Variants in MTF1 observed in about 807,000 individuals in gnomAD.
The protein encoded by MTF1 is MRE-binding transcription factor.
MTF1 carries 22 observed loss-of-function variants against 70.4 expected under a neutral mutation model. The observed-to-expected ratio is 0.31, with a 90% confidence interval of 0.22 to 0.45. MTF1 has a LOEUF of 0.45. Among genes scored for constraint, MTF1 ranks in the 20% least tolerant of loss-of-function variants. The pLI is 1.00. For missense variants in MTF1, 649 were observed against 922.0 expected, an observed-to-expected ratio of 0.70 and a Z score of 3.83; for synonymous variants, 333 against 352.8, an observed-to-expected ratio of 0.94 and a Z score of 0.63.
At chr1:37,844,289 G>A (rs1001402368) in intron 2 of MTF1, among the ~76,000 whole-genome samples, 1 of 152,090 alleles carries the variant, frequency 6.6e-6, no homozygotes, top group Admixed American at 6.5e-5. Context: ...CCCTGACTTC[G>A]TTCTCTCCTT....
rs192427133 is a variant in MTF1 at position 37,811,006 on chromosome 1, C to G, written c.*4130G>C. ...ACTCTTGAGAAATATTGTTGCAGTT[C>G]CACAAATCAATGGTTTCAATCACTC... On this transcript the variant is annotated 3_prime_UTR_variant, in exon 11 of 11. Coordinates refer to ENST00000373036, the MANE Select transcript of MTF1 (RefSeq NM_005955.3). The G allele has an allele frequency of 1.8e-4, 27 of 152,656 alleles. No individual in the cohort carries two copies. The East Asian group carries it at 3.5e-3, about 20-fold the overall frequency. The allele number at this position is 152,656 out of a possible 1,614,324, so 9.5% of individuals were successfully genotyped here. A position where few individuals can be genotyped will look rare whatever the true frequency, so the allele number is the denominator to read the frequency against.
At chr1:37,856,499 CTTTTT>C in intron 2 of MTF1, among the ~76,000 whole-genome samples, 1 of 122,676 alleles carries the variant, frequency 8.2e-6, no homozygotes, top group East Asian at 2.4e-4. Flanking sequence ...GAATTTCTTT[CTTTTT>C]TTTTTTTTTT....
Position 37,823,698 on chromosome 1 carries a change from C to T in MTF1, c.1171+12G>A, listed in dbSNP as rs771472690. 1.9e-5 allele frequency: 30 copies of T among 1,593,594 alleles called. No individual in the cohort carries two copies. Among genetic ancestry groups the T allele is most frequent in the South Asian group, 6.6e-5 (6 of 90,586 alleles). On this transcript the variant is annotated intron_variant, in intron 8 of 10. Transcript: ENST00000373036. ...TGCTTAGATGTGAGTAGAAAGAGTCCGTGTGACAAACCTGTCTGTTGAGGA... is the reference window on the plus strand; with the variant it reads ...TGCTTAGATGTGAGTAGAAAGAGTCTGTGTGACAAACCTGTCTGTTGAGGA...
In MTF1 at chr1:37,838,626, G is replaced by T; in HGVS notation, c.778C>A (p.Arg260=). ...CAAATAGAAAACAGTAAGACCTACC[G>T]AAATGGCTTTTCCCCTGTATGAGTT... is the stretch of plus-strand genomic sequence containing the variant. The part of the protein sequence containing the change: ...IRTHTGEKPF[R]CDHDGCGKAF... Residue 260 remains arginine (R), a splice_region_variant and synonymous_variant, in exon 4 of 11, where the codon CGG becomes AGG. Transcript: ENST00000373036. 2 of 1,610,838 alleles carry T rather than the reference G, an allele frequency of 1.2e-6. No homozygotes were observed. The highest frequency in any genetic ancestry group is 1.1e-5 in the South Asian group (1 of 90,916).
In MTF1 at chr1:37,822,508, G is replaced by A; in HGVS notation, c.1380C>T (p.Asn460=). Residue 460 remains asparagine (N), a synonymous_variant, in exon 9 of 11, where the codon AAC becomes AAT. Transcript: ENST00000373036. ...CTGGAGGTTGTAAGAGAGCAGGGGG[G>A]TTGCCAAATGCAGCTTGCTGGGAGC... ...GPGSQQAAFG[N]PPALLQPPEV... 1 of 1,614,134 alleles carries A rather than the reference G, an allele frequency of 6.2e-7. No individual in the cohort carries two copies. The highest frequency in any genetic ancestry group is 1.1e-5 in the South Asian group (1 of 91,088).
At position 37,840,390 on chromosome 1, in the gene MTF1, T is replaced by C; in HGVS notation, c.409-232A>G. 3.4e-6 allele frequency: 2 copies of C among 585,666 alleles called. No homozygotes were observed. The highest frequency in any genetic ancestry group is 6.2e-6 in the Non-Finnish European group (2 of 321,300). The allele number at this position is 585,666 out of a possible 1,614,324, so 36.3% of individuals were successfully genotyped here. On this transcript the variant is annotated intron_variant, in intron 2 of 10. Transcript: ENST00000373036. The surrounding 1 kb of genome is among the most constrained non-coding windows in gnomAD (Gnocchi z 4.5). Reference sequence around the variant, plus strand: ...AGAAATAAGTCTATATGTAGATGAATATTCTAAATGAACATAAGAATGTTT... The same window carrying C: ...AGAAATAAGTCTATATGTAGATGAACATTCTAAATGAACATAAGAATGTTT...
intron 2 of MTF1, among the ~76,000 whole-genome samples, chr1:37,852,365 A>T (rs1641428698): frequency 6.6e-6 from 1 of 152,190 alleles, no homozygotes; most frequent in South Asian, 2.1e-4. Flanking sequence ...TAATTACCCC[A>T]TCAAAACTTT....
At chr1:37,829,450 G>C (rs1641051126) in intron 7 of MTF1, among the ~76,000 whole-genome samples, 2 of 151,838 alleles carry the variant, frequency 1.3e-5, no homozygotes, top group Non-Finnish European at 2.9e-5. Flanking sequence ...ACAGGCATGA[G>C]CCACTGCACA....
In MTF1 at chr1:37,849,884, T is replaced by C. The variant is rs146727818; in HGVS notation, c.408+7367A>G. ...AGCAAGACCCAGTGTCTTAAAAAAA[T>C]AAAATAAAATACGTAAACAAACAAA... On this transcript the variant is annotated intron_variant, in intron 2 of 10. Transcript: ENST00000373036. Among the ~76,000 whole-genome samples the C allele has an allele frequency of 2.8e-4, 43 of 152,086 alleles. 1 individual carries two copies. In the South Asian group the frequency reaches 3.5e-3, roughly 13 times the overall value.
chr1:37,810,780 G>C lies in MTF1; in HGVS notation c.*4356C>G, dbSNP rs1640710778. ...CCTGAGAATTGAAGATAAAATGGGG[G>C]AGGTGGAGTAAAGGAAGAAAGTTGA... is the stretch of plus-strand genomic sequence containing the variant. On this transcript the variant is annotated 3_prime_UTR_variant, in exon 11 of 11. Transcript: ENST00000373036. 1 of 152,206 alleles carries C rather than the reference G, an allele frequency of 6.6e-6. No individual in the cohort carries two copies. Among genetic ancestry groups the C allele is most frequent in the Non-Finnish European group, 1.5e-5 (1 of 68,046 alleles). 9.4% of individuals were successfully genotyped at this position (152,206 alleles called of 1,614,324 possible).
At chr1:37,845,202 T>C (rs992578480) in intron 2 of MTF1, among the ~76,000 whole-genome samples, 1 of 152,166 alleles carries the variant, frequency 6.6e-6, no homozygotes, top group Non-Finnish European at 1.5e-5. Context: ...GAAAAGGTAG[T>C]GACAAGGACT....
chr1:37,823,811 G>A lies in MTF1; in HGVS notation c.1070C>T (p.Thr357Ile), dbSNP rs1257896084. ...DSELRENSST[T>I]QGQDLSTISP... Reference sequence around the variant, plus strand: ...AATTGTGCTGAGGTCCTGGCCCTGGGTCTGATGGAGAGAGACAAAGATGTG... The same window carrying A: ...AATTGTGCTGAGGTCCTGGCCCTGGATCTGATGGAGAGAGACAAAGATGTG... Residue 357 changes from threonine (T) to isoleucine (I), a missense_variant and splice_region_variant, in exon 8 of 11, where the codon ACC becomes ATC. Physicochemically the swap from Thr to Ile is moderately conservative, Grantham distance 89. Around this residue, in one of 7 missense-constraint regions of MTF1, gnomAD observed 267 missense variants for 292.1 expected, o/e 0.91. Transcript: ENST00000373036. The A allele has an allele frequency of 6.2e-7, 1 of 1,612,208 alleles. No homozygotes were observed. The highest frequency in any genetic ancestry group is 8.5e-7 in the Non-Finnish European group (1 of 1,178,428).
chr1:37,834,861 C>T (rs1433544318), intron 6 of MTF1, among the ~76,000 whole-genome samples: 1 of 152,220 alleles, frequency 6.6e-6, no homozygotes, highest in African/African-American at 2.4e-5. Context: ...GCAGGAAGAA[C>T]AGGTTTGGAC....
intron 2 of MTF1, among the ~76,000 whole-genome samples, chr1:37,847,976 G>A (rs1641358841): frequency 6.6e-6 from 1 of 152,096 alleles, no homozygotes; most frequent in South Asian, 2.1e-4. Context: ...AAAATTAAAT[G>A]AATAAAACAC....
chr1:37,822,040 T>C (rs1640918216), intron 9 of MTF1, 81 bp downstream of exon 9: 2 of 1,177,096 alleles, frequency 1.7e-6, no homozygotes. Context: ...GCCACTTTTC[T>C]TTTTGAAGTA....
intron 1 of MTF1, among the ~76,000 whole-genome samples, chr1:37,857,920 T>C (rs1641524241): frequency 6.6e-6 from 1 of 150,936 alleles, no homozygotes; most frequent in South Asian, 2.1e-4. Context: ...CTCACACCTG[T>C]AATCCCAACA....
chr1:37,841,942 G>T (rs915067539), intron 2 of MTF1, among the ~76,000 whole-genome samples: 6 of 152,002 alleles, frequency 3.9e-5, no homozygotes, highest in African/African-American at 1.5e-4. Flanking sequence ...GGAAGCTGAG[G>T]TAAGATTGCT....
intron 6 of MTF1, chr1:37,834,748 C>T (rs377464875): frequency 1.0e-5 from 5 of 493,558 alleles, no homozygotes; most frequent in South Asian, 6.2e-5. Context: ...ACTTTGCTGG[C>T]GGATGTGGAG....
At chr1:37,819,951 C>CAAAAAAAAAAA (rs766621404) in intron 9 of MTF1, among the ~76,000 whole-genome samples, 13 of 82,698 alleles carry the variant, frequency 1.6e-4, no homozygotes, top group South Asian at 9.3e-4. Flanking sequence ...GACTCTGACT[C>CAAAAAAAAAAA]AAAAAAAAAA....
Sources: allele counts gnomAD v4.1 joint callset (sites outside exome capture counted in the v4.1 genomes callset), GRCh38; gene constraint gnomAD v4.1.1; regional missense constraint gnomAD v4.1.1; non-coding constraint Gnocchi (gnomAD v3.1); transcripts MANE v1.5; gene names NCBI Gene and HGNC (gene_info 2026-07-23, HGNC 2026-07-21).